Variants in KYNU observed in about 807,000 individuals in gnomAD.
KYNU encodes L-kynurenine hydrolase.
Under a neutral mutation model 59.2 loss-of-function variants are expected in KYNU, and 54 were observed. The observed-to-expected ratio is 0.91, with a 90% CI of 0.73 to 1.14. The LOEUF (loss-of-function observed/expected upper bound fraction) is 1.14, where lower values mean the gene tolerates loss of function less well. Among genes scored for constraint, KYNU ranks in the 50% most tolerant of loss-of-function variants. The probability of loss-of-function intolerance (pLI) is 0.00; values close to 1 mark genes in which losing one functional copy is unlikely to be tolerated. For synonymous variants in KYNU, 177 were observed against 192.0 expected (o/e 0.92, Z 0.65); for missense variants, 567 against 554.4 (o/e 1.02, Z -0.23).
At position 143,046,966 on chromosome 2, in the gene KYNU, G is replaced by A. The variant is rs1233343156; in HGVS notation, c.*4794G>A. 6.6e-6 allele frequency: 1 copy of A among 152,046 alleles called. No individual in the cohort carries two copies. The highest frequency in any genetic ancestry group is 2.4e-5 in the African/African-American group (1 of 41,392). The allele number at this position is 152,046 out of a possible 1,614,324, so 9.4% of individuals were successfully genotyped here. ...TTCATTTATTTATGATTTCTTTAAT[G>A]CTTCTCAAAATTTTTTATTTTCTCT... On this transcript the variant is annotated 3_prime_UTR_variant, in exon 14 of 14. Coordinates refer to ENST00000264170, the MANE Select transcript of KYNU (RefSeq NM_003937.3).
chr2:142,913,237 G>A (rs1682558308), intron 2 of KYNU, among the ~76,000 whole-genome samples: 1 of 151,920 alleles, frequency 6.6e-6, no homozygotes, highest in Non-Finnish European at 1.5e-5. Context: ...CTAGCATTGG[G>A]GTTAGTTTGT....
chr2:142,919,545 A>G (rs1682797400), intron 3 of KYNU, among the ~76,000 whole-genome samples: 1 of 152,266 alleles, frequency 6.6e-6, no homozygotes, highest in Non-Finnish European at 1.5e-5. Context: ...TTCAGAGGAA[A>G]AACATTTGGC....
chr2:142,878,472 T>C (rs1000521637), intron 1 of KYNU, among the ~76,000 whole-genome samples: 6 of 152,166 alleles, frequency 3.9e-5, no homozygotes, highest in African/African-American at 1.4e-4. Flanking sequence ...TTGTTTTTCC[T>C]TTTTTCTTTA....
At chr2:143,036,259 C>T (rs1489651636) in intron 12 of KYNU, among the ~76,000 whole-genome samples, 2 of 151,992 alleles carry the variant, frequency 1.3e-5, no homozygotes, top group Admixed American at 6.6e-5. Flanking sequence ...ATACACTCGC[C>T]AGCAGTTTTG....
At chr2:142,881,810 A>T (rs1175887242) in intron 1 of KYNU, among the ~76,000 whole-genome samples, 1 of 151,934 alleles carries the variant, frequency 6.6e-6, no homozygotes, top group Non-Finnish European at 1.5e-5. Context: ...TGGCACAATT[A>T]GCTCACTGCA....
intron 2 of KYNU, among the ~76,000 whole-genome samples, chr2:142,890,739 A>G (rs943682887): frequency 1.3e-5 from 2 of 152,120 alleles, no homozygotes; most frequent in Admixed American, 6.5e-5. Context: ...CAGCCTACCA[A>G]TGTGCTGGGA....
intron 10 of KYNU, among the ~76,000 whole-genome samples, chr2:143,028,020 A>G (rs190274605): frequency 1.9e-4 from 29 of 152,142 alleles, no homozygotes; most frequent in East Asian, 9.6e-4. Context: ...ATTTTAAAAC[A>G]TTTTGTCATC....
intron 8 of KYNU, among the ~76,000 whole-genome samples, chr2:142,984,712 A>G (rs146394477): frequency 1.6e-4 from 24 of 152,168 alleles, no homozygotes; most frequent in African/African-American, 5.3e-4. Flanking sequence ...ATATTTTCAC[A>G]TGAAACTTTC....
At chr2:142,994,394 T>C (rs1242871717) in intron 10 of KYNU, among the ~76,000 whole-genome samples, 1 of 152,100 alleles carries the variant, frequency 6.6e-6, no homozygotes, top group Non-Finnish European at 1.5e-5. Flanking sequence ...TCACCTGTTT[T>C]GCTCTTCAAG....
intron 8 of KYNU, among the ~76,000 whole-genome samples, chr2:142,983,943 A>G (rs542726175): frequency 1.1e-4 from 16 of 152,056 alleles, no homozygotes; most frequent in Non-Finnish European, 2.1e-4. Flanking sequence ...TTACAAAGAA[A>G]ATAGGCACTC....
chr2:142,990,649 G>A (rs1186322428), intron 10 of KYNU, among the ~76,000 whole-genome samples: 1 of 151,826 alleles, frequency 6.6e-6, no homozygotes, highest in Non-Finnish European at 1.5e-5. Context: ...CGCTGGTGTA[G>A]CAAACCTCCA....
intron 10 of KYNU, among the ~76,000 whole-genome samples, chr2:142,993,739 A>G (rs1203210161): frequency 6.6e-6 from 1 of 152,076 alleles, no homozygotes; most frequent in Non-Finnish European, 1.5e-5. Flanking sequence ...AAATAAATTC[A>G]GTAAATAATC....
At chr2:142,969,350 G>A (rs1258267302) in intron 8 of KYNU, among the ~76,000 whole-genome samples, 3 of 152,150 alleles carry the variant, frequency 2.0e-5, no homozygotes, top group African/African-American at 7.2e-5. Context: ...AGGGGAAAAT[G>A]ACATAAAGCT....
intron 2 of KYNU, among the ~76,000 whole-genome samples, chr2:142,903,268 A>G (rs1179606589): frequency 6.6e-6 from 1 of 151,984 alleles, no homozygotes; most frequent in Non-Finnish European, 1.5e-5. Context: ...TAACTAGAAC[A>G]CGACGGGCAT....
intron 4 of KYNU, among the ~76,000 whole-genome samples, chr2:142,942,080 G>A (rs1041513734): frequency 6.6e-6 from 1 of 151,400 alleles, no homozygotes; most frequent in Admixed American, 6.6e-5. Context: ...GAAAGGCTGA[G>A]GTGAGAGAGT....
chr2:142,939,602 C>CAAAGAAAA (rs1683514231), intron 4 of KYNU, among the ~76,000 whole-genome samples: 1 of 65,106 alleles, frequency 1.5e-5, no homozygotes, highest in African/African-American at 5.9e-5. Context: ...CTCCATCTCA[C>CAAAGAAAA]AAAAAAAAAA....
chr2:142,887,808 C>T (rs139620586), intron 2 of KYNU, among the ~76,000 whole-genome samples: 1 of 152,154 alleles, frequency 6.6e-6, no homozygotes, highest in African/African-American at 2.4e-5. Flanking sequence ...TTCAATTTTG[C>T]AAGGTAGAAA....
In KYNU at chr2:142,943,894, C is replaced by CATA. The variant is rs537342092; in HGVS notation, c.374-10914_374-10913insAAT. 1.8e-3 allele frequency among the ~76,000 whole-genome samples: 274 copies of CATA among 152,318 alleles called. 3 individuals are homozygous for CATA. The highest frequency in any genetic ancestry group is 6.8e-3 in the Middle Eastern group (2 of 294). On this transcript the variant is annotated intron_variant, in intron 4 of 13. Coordinates refer to ENST00000264170, the MANE Select transcript of KYNU (RefSeq NM_003937.3). Reference sequence around the variant, plus strand: ...ACAGCCAAATCCACAATAACATTTGCATCTGCTTAATAAAATATACAGAAC... The same window carrying CATA: ...ACAGCCAAATCCACAATAACATTTGCATAATCTGCTTAATAAAATATACAGAAC...
At chr2:143,038,975 G>A (rs1686963228) in intron 12 of KYNU, among the ~76,000 whole-genome samples, 2 of 152,076 alleles carry the variant, frequency 1.3e-5, no homozygotes, top group South Asian at 4.1e-4. Flanking sequence ...CTTATACATA[G>A]GATATATTTT....
Sources: allele counts gnomAD v4.1 joint callset (sites outside exome capture counted in the v4.1 genomes callset), GRCh38; gene constraint gnomAD v4.1.1; transcripts MANE v1.5; gene names NCBI Gene and HGNC (gene_info 2026-07-23, HGNC 2026-07-21).